The following HSD17B2 variants were observed in gnomAD, a reference collection of about 807,000 sequenced individuals.
HSD17B2 encodes hydroxysteroid 17-beta dehydrogenase 2.
HSD17B2 carries 32 observed loss-of-function variants against 26.9 expected under a neutral mutation model. That is an observed-to-expected ratio of 1.19 (90% CI 0.90 to 1.60). The LOEUF (loss-of-function observed/expected upper bound fraction) is 1.60, where lower values mean the gene tolerates loss of function less well. HSD17B2 is among the 40% of genes most tolerant of loss of function. The probability of loss-of-function intolerance (pLI) is 0.00; values close to 1 mark genes in which losing one functional copy is unlikely to be tolerated. For missense variants in HSD17B2, 613 were observed against 468.6 expected, an observed-to-expected ratio of 1.31 and a Z score of -2.85; for synonymous variants, 246 against 186.7, an observed-to-expected ratio of 1.32 and a Z score of -2.59.
At chr16:82,096,626 T>A (rs1904847078) in intron 4 of HSD17B2, 1 of 151,984 alleles carries the variant, frequency 6.6e-6, no homozygotes, top group African/African-American at 2.4e-5. Flanking sequence ...ATACAGTATA[T>A]ATTATATTGT....
At chr16:82,070,867 G>T in intron 2 of HSD17B2, 75 bp from the exon 3 acceptor site, 1 of 1,387,010 alleles carries the variant, frequency 7.2e-7, no homozygotes, top group Non-Finnish European at 1.0e-6. Flanking sequence ...CTCTTGCATG[G>T]TCTTCCAGGT....
intron 1 of HSD17B2, among the ~76,000 whole-genome samples, chr16:82,048,857 T>C (rs1441904157): frequency 6.6e-6 from 1 of 152,198 alleles, no homozygotes; most frequent in East Asian, 1.9e-4. Flanking sequence ...AGAATAGTTA[T>C]GAGAATAAAA....
intron 1 of HSD17B2, among the ~76,000 whole-genome samples, chr16:82,053,385 G>T (rs1462011639): frequency 1.3e-5 from 2 of 152,148 alleles, no homozygotes; most frequent in East Asian, 1.9e-4. Flanking sequence ...GAAAAGAGAA[G>T]ATCGAAATAT....
chr16:82,043,803 T>G (rs188675706), intron 1 of HSD17B2, among the ~76,000 whole-genome samples: 1 of 152,116 alleles, frequency 6.6e-6, no homozygotes, highest in Non-Finnish European at 1.5e-5. Context: ...CACTGGGGTT[T>G]TGAATAATCC....
rs138151361 is a variant in HSD17B2, at chr16:82,054,134, A to T, written c.266-14036A>T. On this transcript the variant is annotated intron_variant, in intron 1 of 4. Coordinates refer to ENST00000199936, the MANE Select transcript of HSD17B2 (RefSeq NM_002153.3). ...TAGTGAAGATGAACTCTCATCTCTC[A>T]TTCTTTACTCTGTTATCAGTCCAAA... Among the ~76,000 whole-genome samples the T allele has an allele frequency of 2.0e-3, 301 of 151,356 alleles. 1 individual carries two copies. The highest frequency in any genetic ancestry group is 2.8e-3 in the Non-Finnish European group (191 of 67,894).
At chr16:82,063,213 G>A (rs1379082054) in intron 1 of HSD17B2, 3 of 152,192 alleles carry the variant, frequency 2.0e-5, no homozygotes, top group Non-Finnish European at 4.4e-5. Context: ...ACAGTCAGTA[G>A]AGGCAAACTC....
At chr16:82,050,362 G>A (rs534893919) in intron 1 of HSD17B2, among the ~76,000 whole-genome samples, 3 of 151,748 alleles carry the variant, frequency 2.0e-5, no homozygotes, top group South Asian at 2.1e-4. Flanking sequence ...ATTCGTTCTC[G>A]GTGCTGAGGC....
chr16:82,079,163 T>A (rs1904323202), intron 3 of HSD17B2, among the ~76,000 whole-genome samples: 1 of 151,994 alleles, frequency 6.6e-6, no homozygotes, highest in Admixed American at 6.5e-5. Context: ...CCAACTATGT[T>A]CCCACAAAAT....
intron 1 of HSD17B2, among the ~76,000 whole-genome samples, chr16:82,044,883 C>T (rs1472975390): frequency 6.6e-6 from 1 of 151,986 alleles, no homozygotes; most frequent in African/African-American, 2.4e-5. Flanking sequence ...TTTGGGAGGC[C>T]AGGGTGGGCA....
chr16:82,073,275 A>AGT (rs899881153), intron 3 of HSD17B2, among the ~76,000 whole-genome samples: 11 of 151,542 alleles, frequency 7.3e-5, no homozygotes, highest in Non-Finnish European at 1.0e-4. Context: ...CCCAGGCTGG[A>AGT]GTGCAGTGGC....
At chr16:82,053,876 A>G (rs919344778) in intron 1 of HSD17B2, among the ~76,000 whole-genome samples, 8 of 152,256 alleles carry the variant, frequency 5.3e-5, no homozygotes, top group Non-Finnish European at 1.0e-4. Flanking sequence ...AAGTTCTAAC[A>G]TAGAATGCAT....
chr16:82,041,841 TGA>T (rs1164637198), intron 1 of HSD17B2, among the ~76,000 whole-genome samples: 4 of 152,280 alleles, frequency 2.6e-5, no homozygotes, highest in Middle Eastern at 6.8e-3. Flanking sequence ...TTATCTCCTC[TGA>T]GAGAGGACTG....
intron 3 of HSD17B2, among the ~76,000 whole-genome samples, chr16:82,079,344 G>T (rs1236438357): frequency 3.3e-5 from 5 of 152,140 alleles, no homozygotes; most frequent in African/African-American, 9.7e-5. Context: ...TGTCGGCAGG[G>T]TTGGTTTCTC....
intron 1 of HSD17B2, among the ~76,000 whole-genome samples, chr16:82,036,745 A>G (rs185960318): frequency 6.4e-4 from 98 of 152,266 alleles, no homozygotes; most frequent in Non-Finnish European, 1.2e-3. Flanking sequence ...AATTTTTGAA[A>G]GTTTAGAGGG....
In HSD17B2 at chr16:82,070,942, G is replaced by A; in HGVS notation, c.479G>A (p.Gly160Glu). ...SKVAAMLQDRGLWAVINNAGV... is the reference protein window; with the variant it reads ...SKVAAMLQDRELWAVINNAGV... ...ACTCATTATGGTTTTCTGTCTCCAG[G>A]ACTGTGGGCTGTGATCAACAATGCT... The change falls in exon 3 of 5, where the codon GGA becomes GAA. Residue 160 changes from glycine (G) to glutamate (E), a missense_variant and splice_region_variant. Coordinates refer to ENST00000199936, the MANE Select transcript of HSD17B2 (RefSeq NM_002153.3). 6.2e-7 allele frequency: 1 copy of A among 1,612,716 alleles called. No homozygotes were observed. Among genetic ancestry groups the A allele is most frequent in the Non-Finnish European group, 8.5e-7 (1 of 1,178,974 alleles).
At chr16:82,043,320 C>T (rs895784907) in intron 1 of HSD17B2, among the ~76,000 whole-genome samples, 3 of 152,120 alleles carry the variant, frequency 2.0e-5, no homozygotes, top group African/African-American at 7.2e-5. Context: ...TGTTTCAGGT[C>T]ACTTGTGATA....
At chr16:82,062,434 G>C (rs577855066) in intron 1 of HSD17B2, among the ~76,000 whole-genome samples, 10 of 152,328 alleles carry the variant, frequency 6.6e-5, no homozygotes, top group East Asian at 1.9e-4. Context: ...AAATATTCTA[G>C]TGCCCTCTTC....
rs569022094 is a variant in HSD17B2 at position 82,079,226 on chromosome 16, G to A, written c.664+8099G>A. Among the ~76,000 whole-genome samples, 8 of 152,262 alleles carry A rather than the reference G, an allele frequency of 5.3e-5. No homozygotes were observed. The South Asian group carries it at 1.7e-3, about 32-fold the overall frequency. Reference sequence around the variant, plus strand: ...GCTCTGAAATGATCGATTTTCCTCTGTGTTAGTTTGCTAGGGCTACCATAA... The same window carrying A: ...GCTCTGAAATGATCGATTTTCCTCTATGTTAGTTTGCTAGGGCTACCATAA... On this transcript the variant is annotated intron_variant, in intron 3 of 4. Coordinates refer to ENST00000199936, the MANE Select transcript of HSD17B2 (RefSeq NM_002153.3).
chr16:82,088,223 C>A (rs1904584017), intron 3 of HSD17B2, among the ~76,000 whole-genome samples: 1 of 152,106 alleles, frequency 6.6e-6, no homozygotes, highest in African/African-American at 2.4e-5. Context: ...GAAGCAGGTG[C>A]ACTTATTACT....
Sources: gnomAD v4.1 joint callset for allele counts (sites outside exome capture counted in the v4.1 genomes callset) on GRCh38, gnomAD v4.1.1 for gene constraint, MANE v1.5 for transcripts, NCBI Gene and HGNC (gene_info 2026-07-23, HGNC 2026-07-21) for gene names.